Variants in MERTK observed in about 807,000 individuals in gnomAD.
The protein encoded by MERTK is MER proto-oncogene, tyrosine kinase.
MERTK carries 69 observed loss-of-function variants against 99.3 expected under a neutral mutation model. That is an observed-to-expected ratio of 0.70 (90% confidence interval 0.57 to 0.85). MERTK has a LOEUF of 0.85. MERTK is among the 40% of genes least tolerant of loss of function. The pLI is 0.00. For missense variants in MERTK, 1,125 were observed against 1,249.4 expected (o/e 0.90, Z 1.50); for synonymous variants, 426 against 467.6 (o/e 0.91, Z 1.15).
In MERTK at chr2:111,925,912, A is replaced by G. The variant is rs1450706515; in HGVS notation, c.62-3208A>G. ...CAGTGGCGCGATCTCGGCTCACTGC[A>G]AGCTCCGCCTCCCGGGTTCTGCCAT... On this transcript the variant is annotated intron_variant, in intron 1 of 18. Coordinates refer to ENST00000295408, the MANE Select transcript of MERTK (RefSeq NM_006343.3). 2.6e-5 allele frequency among the ~76,000 whole-genome samples: 4 copies of G among 151,098 alleles called. No individual in the cohort carries two copies. The East Asian group carries it at 7.9e-4, about 30-fold the overall frequency.
chr2:112,003,428 T>C (rs1326509378), intron 12 of MERTK: 1 of 378,168 alleles, frequency 2.6e-6, no homozygotes, highest in Non-Finnish European at 4.8e-6. Context: ...TAATTTTCTT[T>C]CTTCATTGAA....
rs372540982 is a variant in MERTK at position 112,002,037 on chromosome 2, G to A, written c.1690+751G>A. ...CTTTATTGGAGAACCACTGGATAAA[G>A]CTTTTTCTCTGAGAACTAATGTGTC... On this transcript the variant is annotated intron_variant, in intron 11 of 18. Transcript: ENST00000295408. Among the ~76,000 whole-genome samples the A allele has an allele frequency of 5.3e-5, 8 of 151,858 alleles. No individual in the cohort carries two copies. The South Asian group carries it at 1.7e-3, about 32-fold the overall frequency.
chr2:111,978,495 T>G (rs1417157206), intron 7 of MERTK, among the ~76,000 whole-genome samples: 1 of 152,126 alleles, frequency 6.6e-6, no homozygotes, highest in Non-Finnish European at 1.5e-5. Context: ...AGGGTCTCAC[T>G]ATTTTGCCCA....
intron 1 of MERTK, 43 bp from the exon 2 acceptor site, chr2:111,929,077 C>A: frequency 6.2e-7 from 1 of 1,612,594 alleles, no homozygotes; most frequent in Non-Finnish European, 8.5e-7. Context: ...TTGGGAAACT[C>A]TTCTTATTTA....
At chr2:111,933,023 A>G (rs1481351718) in intron 2 of MERTK, among the ~76,000 whole-genome samples, 1 of 152,182 alleles carries the variant, frequency 6.6e-6, no homozygotes, top group Non-Finnish European at 1.5e-5. Flanking sequence ...GGCGGTTTTT[A>G]ATCAAGGTGA....
intron 2 of MERTK, among the ~76,000 whole-genome samples, chr2:111,932,667 A>T (rs1684695519): frequency 6.6e-6 from 1 of 152,236 alleles, no homozygotes; most frequent in Admixed American, 6.5e-5. Context: ...TAACAGTTAA[A>T]GATGGGTTTA....
At chr2:111,914,645 A>G (rs1297908721) in intron 1 of MERTK, among the ~76,000 whole-genome samples, 1 of 152,180 alleles carries the variant, frequency 6.6e-6, no homozygotes, top group Non-Finnish European at 1.5e-5. Flanking sequence ...TTAAATGAAC[A>G]ATATGATCAT....
In MERTK at chr2:112,028,793, T is replaced by C; in HGVS notation, c.2929T>C (p.Leu977=). ...CTGGTCCCATTCGAGCATGCTGCCC[T>C]TGGGAAGCTCATTGCCCGATGAACT... ...VSWSHSSMLP[L]GSSLPDELLF... is the part of the protein sequence containing the mutation. The change falls in exon 19 of 19, where the codon TTG becomes CTG. Residue 977 remains leucine (L), a synonymous_variant. Coordinates refer to ENST00000295408, the MANE Select transcript of MERTK (RefSeq NM_006343.3). 6.2e-7 allele frequency: 1 copy of C among 1,614,138 alleles called. No individual in the cohort carries two copies. The highest frequency in any genetic ancestry group is 8.5e-7 in the Non-Finnish European group (1 of 1,180,034).
Position 112,029,501 on chromosome 2 carries a change from T to TA in MERTK, c.*638dup, listed in dbSNP as rs1371754615. ...CATTCTTGGCATTGCTTTATAGAGATATGGAAAAACCACACCAGGGTCTGT... is the reference window on the plus strand; with the variant it reads ...CATTCTTGGCATTGCTTTATAGAGATAATGGAAAAACCACACCAGGGTCTGT... On this transcript the variant is annotated 3_prime_UTR_variant, in exon 19 of 19. Transcript: ENST00000295408. 2 of 222,062 alleles carry TA rather than the reference T, an allele frequency of 9.0e-6. No homozygotes were observed. Among genetic ancestry groups the TA allele is most frequent in the East Asian group, 3.7e-4 (2 of 5,472 alleles). The allele number at this position is 222,062 out of a possible 1,614,324, so 13.8% of individuals were successfully genotyped here. A position where few individuals can be genotyped will look rare whatever the true frequency, so the allele number is the denominator to read the frequency against.
chr2:111,951,620 A>G (rs1484346890), intron 4 of MERTK, among the ~76,000 whole-genome samples: 1 of 147,118 alleles, frequency 6.8e-6, no homozygotes, highest in Admixed American at 7.0e-5. Context: ...TATTATGAAT[A>G]ATGCTGCAAT....
At chr2:111,952,099 AC>A (rs1266941817) in intron 4 of MERTK, 1 of 152,086 alleles carries the variant, frequency 6.6e-6, no homozygotes, top group Non-Finnish European at 1.5e-5. Context: ...TACAACGACC[AC>A]CTATTTTGCA....
intron 4 of MERTK, among the ~76,000 whole-genome samples, chr2:111,962,917 G>A (rs574094626): frequency 1.3e-5 from 2 of 152,282 alleles, no homozygotes; most frequent in South Asian, 4.1e-4. Flanking sequence ...AAAAGAAAAA[G>A]ACACAGAGAT....
At chr2:111,959,221 G>C (rs1274235614) in intron 4 of MERTK, among the ~76,000 whole-genome samples, 1 of 152,126 alleles carries the variant, frequency 6.6e-6, no homozygotes, top group East Asian at 1.9e-4. Context: ...GCAGAGCATG[G>C]ACCCCTTAGT....
At chr2:112,010,123 A>T in intron 15 of MERTK, 57 bp downstream of exon 15, 1 of 1,255,062 alleles carries the variant, frequency 8.0e-7, no homozygotes, top group East Asian at 2.3e-5. Flanking sequence ...TGACTTAGCC[A>T]GGACAACCAA....
chr2:112,022,771 C>G (rs1013161938), intron 18 of MERTK, among the ~76,000 whole-genome samples: 20 of 152,192 alleles, frequency 1.3e-4, no homozygotes, highest in Admixed American at 1.0e-3. Flanking sequence ...CTCTTTTGGT[C>G]CAGTTATCTT....
At chr2:111,935,439 G>A (rs1486223314) in intron 2 of MERTK, among the ~76,000 whole-genome samples, 3 of 152,130 alleles carry the variant, frequency 2.0e-5, no homozygotes, top group East Asian at 1.9e-4. Flanking sequence ...GACTGGGGGA[G>A]GTACACTTCT....
chr2:112,008,976 C>T lies in MERTK; in HGVS notation c.1960+501C>T, dbSNP rs75059563. On this transcript the variant is annotated intron_variant, in intron 14 of 18. Coordinates refer to ENST00000295408, the MANE Select transcript of MERTK (RefSeq NM_006343.3). ...AACAGTTCCATAGAACATGATTTAACGTAATTTGGCTTTGCAGCTCCATTA... is the reference window on the plus strand; with the variant it reads ...AACAGTTCCATAGAACATGATTTAATGTAATTTGGCTTTGCAGCTCCATTA... 3.9e-5 allele frequency among the ~76,000 whole-genome samples: 6 copies of T among 152,256 alleles called. No homozygotes were observed. In the East Asian group the frequency reaches 5.8e-4, roughly 15 times the overall value.
At chr2:111,964,471 T>A (rs1003050366) in intron 4 of MERTK, among the ~76,000 whole-genome samples, 1 of 152,198 alleles carries the variant, frequency 6.6e-6, no homozygotes, top group South Asian at 2.1e-4. Flanking sequence ...TCCAGACTTA[T>A]ATATTTCCTG....
chr2:111,929,122 A>G lies in MERTK; in HGVS notation c.64A>G (p.Ile22Val). The G allele has an allele frequency of 6.2e-7, 1 of 1,614,190 alleles. No homozygotes were observed. Among genetic ancestry groups the G allele is most frequent in the East Asian group, 2.2e-5 (1 of 44,888 alleles). Residue 22 changes from isoleucine to valine, a missense_variant and splice_region_variant, in exon 2 of 19, where the codon ATC (isoleucine) becomes GTC (valine). Transcript: ENST00000295408. ...LFLPALWRRA[I>V]TEAREEAKPY... Reference sequence around the variant, plus strand: ...AATTTGGATGTTCTGTTTTACAGCTATCACTGAGGCAAGGGAAGAAGCCAA... The same window carrying G: ...AATTTGGATGTTCTGTTTTACAGCTGTCACTGAGGCAAGGGAAGAAGCCAA...
Sources: allele counts gnomAD v4.1 joint callset (sites outside exome capture counted in the v4.1 genomes callset), GRCh38; gene constraint gnomAD v4.1.1; transcripts MANE v1.5; gene names NCBI Gene and HGNC (gene_info 2026-07-23, HGNC 2026-07-21).